CAPN7: variants seen among roughly 807,000 people sequenced by gnomAD.
CAPN7 encodes calpain-7.
CAPN7 carries 72 observed loss-of-function variants against 115.2 expected under a neutral mutation model. That is an observed-to-expected ratio of 0.63 (90% CI 0.52 to 0.76). The LOEUF is 0.76. CAPN7 is among the 30% of genes least tolerant of loss of function. CAPN7 has a pLI of 0.00. For synonymous variants in CAPN7, 344 were observed against 322.3 expected (o/e 1.07, Z -0.72); for missense variants, 905 against 971.5 (o/e 0.93, Z 0.91).
chr3:15,238,362 C>T (rs866697293), intron 12 of CAPN7, among the ~76,000 whole-genome samples: 1 of 152,002 alleles, frequency 6.6e-6, no homozygotes, highest in South Asian at 2.1e-4. Context: ...GATCCACCCA[C>T]CTTGGCCTCC....
At position 15,235,034 on chromosome 3, in the gene CAPN7, A is replaced by G. The variant is rs17539942; in HGVS notation, c.1296A>G (p.Lys432=). The change falls in exon 12 of 21, where the codon AAA becomes AAG. Residue 432 remains lysine (K), a synonymous_variant. Transcript: ENST00000253693. The stretch of plus-strand genomic sequence containing the variant: ...TTGGGGTTCATTCCAGATTTCACAA[A>G]GGAGATGTCCTCATCACTGCGTCAA... ...SFRMLYQRFH[K]GDVLITASTG... The G allele has an allele frequency of 0.099, 159,138 of 1,604,324 alleles. 8,597 individuals are homozygous for G. The highest frequency in any genetic ancestry group is 0.11 in the Non-Finnish European group (127,538 of 1,176,458).
intron 1 of CAPN7, among the ~76,000 whole-genome samples, chr3:15,211,164 C>T (rs1195335547): frequency 1.3e-5 from 2 of 152,142 alleles, no homozygotes; most frequent in Non-Finnish European, 2.9e-5. Flanking sequence ...GTGGAGAAAA[C>T]TGTTTTCCTT....
In CAPN7 at chr3:15,240,560, C is replaced by A. The variant is rs369569936; in HGVS notation, c.1495C>A (p.Pro499Thr). The change falls in exon 13 of 21, where the codon CCA becomes ACA. Residue 499 changes from proline (P) to threonine (T), a missense_variant. By Grantham distance (38) the Pro-to-Thr change is conservative. Transcript: ENST00000253693. ...YSENDVKNWT[P>T]ELQKYLNFDP... ...TGAAAATGATGTAAAAAACTGGACT[C>A]CAGAGTTGCAAAAGTATTTAAACTT... 4.1e-5 allele frequency: 66 copies of A among 1,612,796 alleles called. 1 individual carries two copies. In the South Asian group the frequency reaches 6.5e-4, roughly 16 times the overall value.
intron 9 of CAPN7, among the ~76,000 whole-genome samples, chr3:15,231,819 C>G (rs984396929): frequency 3.9e-5 from 6 of 152,162 alleles, no homozygotes; most frequent in African/African-American, 1.2e-4. Context: ...TGAGCCACCG[C>G]GCCCAGCCTC....
intron 16 of CAPN7, 64 bp downstream of exon 16, chr3:15,242,317 G>A: frequency 2.9e-6 from 3 of 1,032,718 alleles, no homozygotes; most frequent in Non-Finnish European, 4.2e-6. Context: ...ATATGATTAA[G>A]TTGAAAAATG....
intron 2 of CAPN7, among the ~76,000 whole-genome samples, 185 bp downstream of exon 2, chr3:15,212,397 A>G (rs1168576003): frequency 1.3e-5 from 2 of 152,232 alleles, no homozygotes; most frequent in Non-Finnish European, 2.9e-5. Flanking sequence ...AGATCTTTGA[A>G]GAGGAACCTT....
intron 1 of CAPN7, 142 bp downstream of exon 1, chr3:15,206,739 T>C (rs934637877): frequency 4.7e-6 from 3 of 644,742 alleles, no homozygotes; most frequent in African/African-American, 3.9e-5. Context: ...CCTCCTCTTG[T>C]TGGGAGCGGC....
chr3:15,233,955 T>G lies in CAPN7; in HGVS notation c.1268T>G (p.Phe423Cys). 6.4e-7 allele frequency: 1 copy of G among 1,565,314 alleles called. No homozygotes were observed. The highest frequency in any genetic ancestry group is 8.8e-7 in the Non-Finnish European group (1 of 1,140,222). ...CAAACTTTCAGTAAGGATAATTCTTTCAGAATGCTTTATCAAAGGTAAACA... is the reference window on the plus strand; with the variant it reads ...CAAACTTTCAGTAAGGATAATTCTTGCAGAATGCTTTATCAAAGGTAAACA... ...DSQTFSKDNS[F>C]RMLYQRFHKG... Residue 423 changes from phenylalanine to cysteine, a missense_variant, in exon 11 of 21, where the codon TTC (phenylalanine) becomes TGC (cysteine). Physicochemically the swap from Phe to Cys is radical, Grantham distance 205 (BLOSUM62 -2). Transcript: ENST00000253693.
Position 15,230,547 on chromosome 3 carries a change from C to G in CAPN7, c.1032+12C>G. ...GTGTCCCAAGAAAGGTGAATAATGT[C>G]TCTCCCCACTCCCATCCCTTGTCTC... On this transcript the variant is annotated intron_variant, in intron 9 of 20. Transcript: ENST00000253693. The G allele has an allele frequency of 6.8e-7, 1 of 1,463,750 alleles. No homozygotes were observed. The allele number at this position is 1,463,750 out of a possible 1,614,324, so 90.7% of individuals were successfully genotyped here. A position where few individuals can be genotyped will look rare whatever the true frequency, so the allele number is the denominator to read the frequency against.
At position 15,251,923 on chromosome 3, in the gene CAPN7, A is replaced by T. The variant is rs1185873945; in HGVS notation, c.*663A>T. 1.3e-5 allele frequency: 2 copies of T among 152,220 alleles called. No individual in the cohort carries two copies. Among genetic ancestry groups the T allele is most frequent in the Non-Finnish European group, 2.9e-5 (2 of 68,026 alleles). 9.4% of individuals were successfully genotyped at this position (152,220 alleles called of 1,614,324 possible). Reference sequence around the variant, plus strand: ...ATCTCCCATTCAATCATGTAGCAAGAACTTAAAGAAATTCACTACTGCAGT... The same window carrying T: ...ATCTCCCATTCAATCATGTAGCAAGTACTTAAAGAAATTCACTACTGCAGT... On this transcript the variant is annotated 3_prime_UTR_variant, in exon 21 of 21. Transcript: ENST00000253693.
At chr3:15,244,722 A>G (rs947424073) in intron 16 of CAPN7, among the ~76,000 whole-genome samples, 10 of 152,224 alleles carry the variant, frequency 6.6e-5, no homozygotes, top group African/African-American at 2.2e-4. Flanking sequence ...ACTATCAAAT[A>G]ATATATTAGG....
intron 11 of CAPN7, among the ~76,000 whole-genome samples, chr3:15,234,694 G>A (rs1246198906): frequency 6.6e-6 from 1 of 152,152 alleles, no homozygotes; most frequent in African/African-American, 2.4e-5. Flanking sequence ...AAAGCTCAGT[G>A]ATTTGATAAA....
chr3:15,230,793 C>G lies in CAPN7; in HGVS notation c.1032+258C>G, dbSNP rs1694638840. On this transcript the variant is annotated intron_variant, in intron 9 of 20. Transcript: ENST00000253693. ...AAAAGTAACGTTCAACTAAGGATTG[C>G]TAATGCTTAAAATAAATTTTCATCT... 2.0e-5 allele frequency among the ~76,000 whole-genome samples: 3 copies of G among 152,082 alleles called. No individual in the cohort carries two copies. In the South Asian group the frequency reaches 6.2e-4, roughly 32 times the overall value.
intron 2 of CAPN7, among the ~76,000 whole-genome samples, chr3:15,215,355 A>G (rs1170513056): frequency 1.3e-5 from 2 of 152,232 alleles, no homozygotes; most frequent in Non-Finnish European, 2.9e-5. Context: ...TACAATTTCC[A>G]TATCATAAAA....
intron 7 of CAPN7, 51 bp downstream of exon 7, chr3:15,228,016 A>G: frequency 7.6e-7 from 1 of 1,320,358 alleles, no homozygotes; most frequent in South Asian, 2.3e-5. Context: ...TTTTAAAGTA[A>G]TTTGTGTATA....
chr3:15,220,698 G>C (rs1693925386), intron 4 of CAPN7, 83 bp from the exon 5 acceptor site: 3 of 1,216,756 alleles, frequency 2.5e-6, no homozygotes, highest in African/African-American at 1.5e-5. Flanking sequence ...TGCTTGACTG[G>C]TTCTTCAAGT....
intron 19 of CAPN7, 92 bp downstream of exon 19, chr3:15,247,549 A>G: frequency 1.0e-6 from 1 of 971,166 alleles, no homozygotes; most frequent in Non-Finnish European, 1.5e-6. Flanking sequence ...CTAAGCATAT[A>G]TGGACATTGG....
At position 15,224,747 on chromosome 3, in the gene CAPN7, GA is replaced by G. The variant is rs536531349; in HGVS notation, c.725+1195del. Among the ~76,000 whole-genome samples the G allele has an allele frequency of 3.1e-3, 461 of 150,348 alleles. 3 individuals are homozygous for G. The highest frequency in any genetic ancestry group is 6.8e-3 in the Middle Eastern group (2 of 292). On this transcript the variant is annotated intron_variant, in intron 6 of 20. Coordinates refer to ENST00000253693, the MANE Select transcript of CAPN7 (RefSeq NM_014296.3). ...AATGAGCATGTTATATTTATTATTA[GA>G]AAAAAAAAGCTGGATGCTTACTATA...
chr3:15,207,430 A>G (rs2044692917), intron 1 of CAPN7, among the ~76,000 whole-genome samples: 1 of 152,230 alleles, frequency 6.6e-6, no homozygotes, highest in African/African-American at 2.4e-5. Context: ...CTACTCTTGT[A>G]GACTTTATAA....
Sources: allele counts gnomAD v4.1 joint callset (sites outside exome capture counted in the v4.1 genomes callset), GRCh38; gene constraint gnomAD v4.1.1; transcripts MANE v1.5; gene names NCBI Gene and HGNC (gene_info 2026-07-23, HGNC 2026-07-21).